Variants in RFX7 observed in about 807,000 individuals in gnomAD.
RFX7 encodes the protein regulatory factor X7, also known as DNA-binding protein RFX7.
In RFX7, 26 loss-of-function variants were observed where a neutral mutation model predicts 111.8. The ratio of observed to expected loss-of-function variants is 0.23; its 90% confidence interval spans 0.17 to 0.32. RFX7 has a LOEUF of 0.32. RFX7 is among the 10% of genes least tolerant of loss of function. The pLI is 1.00. For missense variants in RFX7, 1,573 were observed against 1,772.9 expected (o/e 0.89, Z 2.02); for synonymous variants, 624 against 624.4 (o/e 1.00, Z 0.01).
chr15:56,175,356 A>T (rs1160941247), intron 3 of RFX7, among the ~76,000 whole-genome samples: 2 of 152,214 alleles, frequency 1.3e-5, no homozygotes, highest in African/African-American at 4.8e-5. Context: ...GTCCAAATTG[A>T]TCTATAAATT....
At chr15:56,158,782 C>A (rs1378661025) in intron 3 of RFX7, among the ~76,000 whole-genome samples, 2 of 152,042 alleles carry the variant, frequency 1.3e-5, no homozygotes, top group Non-Finnish European at 2.9e-5. Flanking sequence ...AGGATTGTGC[C>A]ACTACAGCCT....
intron 2 of RFX7, among the ~76,000 whole-genome samples, chr15:56,239,509 C>T (rs967525241): frequency 5.9e-5 from 9 of 152,054 alleles, no homozygotes; most frequent in South Asian, 4.2e-4. Context: ...TCAGGTGATC[C>T]GCCCGCCTCA....
rs746300373 is a variant in RFX7, at chr15:56,096,571, G to C, written c.1157C>G (p.Ser386Cys). ...LVTSPSPMSS[S>C]DGKVLPLNVQ... ...ATTGAGGGGAAGAACTTTGCCGTCAGAAGAACTCATTGGACTCGGTGAAGT... is the reference window on the plus strand; with the variant it reads ...ATTGAGGGGAAGAACTTTGCCGTCACAAGAACTCATTGGACTCGGTGAAGT... Residue 386 changes from serine to cysteine, a missense_variant, in exon 10 of 10, where the codon TCT (serine) becomes TGT (cysteine). By Grantham distance (112) the Ser-to-Cys change is moderately radical. Transcript: ENST00000559447. 45 of 1,597,736 alleles carry C rather than the reference G, an allele frequency of 2.8e-5. No individual in the cohort carries two copies. Among genetic ancestry groups the C allele is most frequent in the Non-Finnish European group, 3.8e-5 (44 of 1,171,696 alleles).
At chr15:56,191,448 T>G (rs140721428) in intron 2 of RFX7, among the ~76,000 whole-genome samples, 155 of 152,316 alleles carry the variant, frequency 1.0e-3, no homozygotes, top group African/African-American at 3.6e-3. Flanking sequence ...TGGAAAGATA[T>G]GCACAAAAAT....
chr15:56,183,220 C>A lies in RFX7; in HGVS notation c.162-3917G>T, dbSNP rs368847051. On this transcript the variant is annotated intron_variant, in intron 2 of 9. Coordinates refer to ENST00000559447, the MANE Select transcript of RFX7 (RefSeq NM_022841.7). ...GCTATTTCTTATTACATTATAGAAG[C>A]TTTATATATTCTGGATACTAATTCT... Among the ~76,000 whole-genome samples the A allele has an allele frequency of 7.2e-5, 11 of 151,926 alleles. 1 individual carries two copies. Among genetic ancestry groups the A allele is most frequent in the East Asian group, 5.8e-4 (3 of 5,192 alleles).
intron 5 of RFX7, among the ~76,000 whole-genome samples, chr15:56,135,159 T>G (rs1480610583): frequency 2.5e-4 from 38 of 152,216 alleles, no homozygotes; most frequent in Non-Finnish European, 5.0e-4. Flanking sequence ...CAAATGGTAT[T>G]TCTAGTTCTA....
In RFX7 at chr15:56,092,597, C is replaced by G. The variant is rs1186867799; in HGVS notation, c.*748G>C. On this transcript the variant is annotated 3_prime_UTR_variant, in exon 10 of 10. Transcript: ENST00000559447. Reference sequence around the variant, plus strand: ...ATTAAATTACAAATGCCTGGAGTTACATTTGCTTGTTTTGTGTGTGCGTGC... The same window carrying G: ...ATTAAATTACAAATGCCTGGAGTTAGATTTGCTTGTTTTGTGTGTGCGTGC... 2 of 152,388 alleles carry G rather than the reference C, an allele frequency of 1.3e-5. No individual in the cohort carries two copies. The highest frequency in any genetic ancestry group is 2.9e-5 in the Non-Finnish European group (2 of 68,002). 9.4% of individuals were successfully genotyped at this position (152,388 alleles called of 1,614,324 possible).
intron 2 of RFX7, among the ~76,000 whole-genome samples, chr15:56,227,584 C>G (rs1390529322): frequency 6.6e-6 from 1 of 152,084 alleles, no homozygotes; most frequent in Non-Finnish European, 1.5e-5. Flanking sequence ...TAATCCAAGT[C>G]CACTTTCAAA....
intron 5 of RFX7, among the ~76,000 whole-genome samples, chr15:56,121,295 A>G (rs2042075810): frequency 6.6e-6 from 1 of 152,178 alleles, no homozygotes; most frequent in African/African-American, 2.4e-5. Context: ...AGCACTTCAG[A>G]TATGTCATGT....
intron 5 of RFX7, among the ~76,000 whole-genome samples, chr15:56,108,656 T>C (rs1183108721): frequency 6.6e-6 from 1 of 152,124 alleles, no homozygotes; most frequent in Non-Finnish European, 1.5e-5. Flanking sequence ...GAATGTACTC[T>C]TACCACTCCT....
At chr15:56,208,409 A>C (rs1455130953) in intron 2 of RFX7, among the ~76,000 whole-genome samples, 1 of 152,222 alleles carries the variant, frequency 6.6e-6, no homozygotes, top group African/African-American at 2.4e-5. Flanking sequence ...TGAGACCTCA[A>C]GATAACATTA....
rs201542102 is a variant in RFX7, at chr15:56,167,184, TATAGTC to T, written c.195+12080_195+12085del. On this transcript the variant is annotated intron_variant, in intron 3 of 9. Coordinates refer to ENST00000559447, the MANE Select transcript of RFX7 (RefSeq NM_022841.7). ...TTTGCCGGGTTTGGTGGTGTGCACC[TATAGTC>T]CCAGCTTCTCAGGAGGCTGAGGCAG... Among the ~76,000 whole-genome samples the T allele has an allele frequency of 7.7e-3, 1,168 of 152,228 alleles. 9 individuals are homozygous for T. Among genetic ancestry groups the T allele is most frequent in the Non-Finnish European group, 0.01 (695 of 68,018 alleles).
chr15:56,158,799 C>T (rs1254394349), intron 3 of RFX7, among the ~76,000 whole-genome samples: 2 of 152,078 alleles, frequency 1.3e-5, no homozygotes, highest in Non-Finnish European at 2.9e-5. Flanking sequence ...GCCTGGGTAA[C>T]AGAGCAAGAC....
intron 9 of RFX7, 66 bp downstream of exon 9, chr15:56,098,015 C>A: frequency 6.8e-7 from 1 of 1,467,590 alleles, no homozygotes; most frequent in South Asian, 1.2e-5. Flanking sequence ...TTTCATCTGC[C>A]ACTTTTAAGT....
intron 5 of RFX7, among the ~76,000 whole-genome samples, chr15:56,136,191 G>A (rs2042300109): frequency 6.6e-6 from 1 of 150,924 alleles, no homozygotes; most frequent in Non-Finnish European, 1.5e-5. Flanking sequence ...CATTGAATCT[G>A]TAAATTACCT....
At chr15:56,103,001 C>T (rs1281156567) in intron 6 of RFX7, among the ~76,000 whole-genome samples, 1 of 152,042 alleles carries the variant, frequency 6.6e-6, no homozygotes, top group Non-Finnish European at 1.5e-5. Context: ...TCTGTTTGCT[C>T]CTAAGTATTT....
At chr15:56,186,648 A>AT (rs2043042069) in intron 2 of RFX7, among the ~76,000 whole-genome samples, 2 of 152,086 alleles carry the variant, frequency 1.3e-5, no homozygotes, top group Admixed American at 1.3e-4. Flanking sequence ...GTATGTGTAT[A>AT]TATGTATAAT....
At position 56,133,530 on chromosome 15, in the gene RFX7, G is replaced by A. The variant is rs1289955705; in HGVS notation, c.401+9248C>T. ...GAGTATTGAGAACACAGAATGATCA[G>A]TCTTAAACTGATCCTGTTAAGTTTT... On this transcript the variant is annotated intron_variant, in intron 5 of 9. Transcript: ENST00000559447. Among the ~76,000 whole-genome samples the A allele has an allele frequency of 3.9e-5, 6 of 152,020 alleles. No individual in the cohort carries two copies. The South Asian group carries it at 1.2e-3, about 32-fold the overall frequency.
chr15:56,156,559 T>C (rs1308351072), intron 3 of RFX7, among the ~76,000 whole-genome samples: 8 of 152,088 alleles, frequency 5.3e-5, no homozygotes, highest in African/African-American at 1.7e-4. Context: ...TCTTGTGGCC[T>C]TGTGTGAGAG....
Sources: allele counts gnomAD v4.1 joint callset (sites outside exome capture counted in the v4.1 genomes callset), GRCh38; gene constraint gnomAD v4.1.1; transcripts MANE v1.5; gene names NCBI Gene and HGNC (gene_info 2026-07-23, HGNC 2026-07-21).